RANBP2: variants seen among roughly 807,000 people sequenced by gnomAD.
RANBP2 encodes the protein E3 SUMO-protein ligase RanBP2.
RANBP2 carries 57 observed loss-of-function variants against 303.6 expected under a neutral mutation model. The ratio of observed to expected loss-of-function variants is 0.19; its 90% CI spans 0.15 to 0.23. The LOEUF is 0.23. Among genes scored for constraint, RANBP2 ranks in the 10% least tolerant of loss-of-function variants. The pLI, the probability that RANBP2 is intolerant of heterozygous loss-of-function variation, is 1.00. For synonymous variants in RANBP2, 1,167 were observed against 1,301.5 expected, an observed-to-expected ratio of 0.90 and a Z score of 2.23; for missense variants, 3,138 against 3,780.8, an observed-to-expected ratio of 0.83 and a Z score of 4.46.
At chr2:108,760,160 A>G (rs1558914497) in intron 18 of RANBP2, among the ~76,000 whole-genome samples, 1 of 152,188 alleles carries the variant, frequency 6.6e-6, no homozygotes, top group African/African-American at 2.4e-5. Context: ...TTAAAGATTA[A>G]TGAGCTCATA....
chr2:109,458,603 T>C, the RANBP2 span, among the ~76,000 whole-genome samples: 1 of 41,590 alleles, frequency 2.4e-5, no homozygotes, highest in Non-Finnish European at 6.6e-5. Context: ...AGAGAGAGAA[T>C]TTATTTATTT....
intron 1 of RANBP2, among the ~76,000 whole-genome samples, chr2:108,727,128 C>G (rs922374106): frequency 2.6e-5 from 4 of 152,154 alleles, no homozygotes; most frequent in African/African-American, 9.7e-5. Flanking sequence ...CATCATGGCC[C>G]GTTCTCAATG....
At chr2:108,722,004 A>C (rs952221347) in intron 1 of RANBP2, among the ~76,000 whole-genome samples, 13 of 148,666 alleles carry the variant, frequency 8.7e-5, no homozygotes, top group Admixed American at 8.7e-4. Context: ...CCAAGTGCTG[A>C]GATTACAGGT....
chr2:109,090,988 T>C, the RANBP2 span, among the ~76,000 whole-genome samples: 1 of 152,194 alleles, frequency 6.6e-6, no homozygotes, highest in Non-Finnish European at 1.5e-5. Context: ...TTTAAAGCTT[T>C]GATATTTTGT....
At position 108,735,687 on chromosome 2, in the gene RANBP2, C is replaced by T. The variant is rs761758022; in HGVS notation, c.561C>T (p.His187=). The T allele has an allele frequency of 3.1e-6, 5 of 1,597,440 alleles. No homozygotes were observed. In the African/African-American group the frequency reaches 6.7e-5, roughly 21 times the overall value. ...STKRLKDAVA[H]CHEAERNIAL... ...AAAGATTGAAGGATGCTGTGGCCCACTGCCATGAGGCAGAGAGGAACATAG... is the reference window on the plus strand; with the variant it reads ...AAAGATTGAAGGATGCTGTGGCCCATTGCCATGAGGCAGAGAGGAACATAG... The change falls in exon 5 of 29, where the codon CAC becomes CAT. Residue 187 remains histidine, a synonymous_variant. Coordinates refer to ENST00000283195, the MANE Select transcript of RANBP2 (RefSeq NM_006267.5).
the RANBP2 span, chr2:109,618,335 A>C: frequency 1.4e-3 from 240 of 167,112 alleles, 1 homozygote; most frequent in South Asian, 6.2e-3. Context: ...CAGAACCATC[A>C]GAAGGTTCTG....
At chr2:109,132,291 G>A in the RANBP2 span, among the ~76,000 whole-genome samples, 1 of 152,060 alleles carries the variant, frequency 6.6e-6, no homozygotes, top group Admixed American at 6.5e-5. Context: ...GGCATAGCTT[G>A]TTTACTTTAT....
downstream of RANBP2, among the ~76,000 whole-genome samples, chr2:108,787,587 C>G (rs976616666): frequency 6.6e-6 from 1 of 152,058 alleles, no homozygotes; most frequent in Non-Finnish European, 1.5e-5. Context: ...TCGATAAAAC[C>G]TTTTATAGGA....
At chr2:108,790,076 T>A (rs1679649664), downstream of RANBP2, among the ~76,000 whole-genome samples, 1 of 152,184 alleles carries the variant, frequency 6.6e-6, no homozygotes, top group Non-Finnish European at 1.5e-5. Flanking sequence ...CTTTCTCTAC[T>A]TAAATAAGTT....
At position 108,759,058 on chromosome 2, in the gene RANBP2, T is replaced by A. The variant is rs541636370; in HGVS notation, c.2602+510T>A. On this transcript the variant is annotated intron_variant, in intron 18 of 28. Transcript: ENST00000283195. ...TAATAGCTGTGTAAGATAACCTGTC[T>A]GAAACGTGGAGATAATACTTGCCTT... Among the ~76,000 whole-genome samples the A allele has an allele frequency of 3.3e-5, 5 of 150,318 alleles. No homozygotes were observed. In the East Asian group the frequency reaches 9.7e-4, roughly 29 times the overall value.
the RANBP2 span, among the ~76,000 whole-genome samples, chr2:108,793,728 C>T: frequency 6.6e-6 from 1 of 151,868 alleles, no homozygotes; most frequent in East Asian, 2.0e-4. Flanking sequence ...TCCCGAGTAG[C>T]TGGGACTACA....
chr2:108,719,887 G>C (rs1452052540), intron 1 of RANBP2, among the ~76,000 whole-genome samples: 1 of 152,076 alleles, frequency 6.6e-6, no homozygotes, highest in African/African-American at 2.4e-5. Flanking sequence ...CTTTGGCGCC[G>C]GCGCTTCCTC....
chr2:109,067,152 C>T, the RANBP2 span, among the ~76,000 whole-genome samples: 21 of 151,800 alleles, frequency 1.4e-4, no homozygotes, highest in Admixed American at 2.6e-4. Flanking sequence ...CAGCCTGGGT[C>T]GGCTTGTTCA....
At chr2:108,902,037 A>G in the RANBP2 span, among the ~76,000 whole-genome samples, 1 of 152,170 alleles carries the variant, frequency 6.6e-6, no homozygotes, top group Non-Finnish European at 1.5e-5. Flanking sequence ...CAGGAGTTCA[A>G]GACCAGCCTG....
chr2:109,238,930 A>G, the RANBP2 span, among the ~76,000 whole-genome samples: 2 of 152,170 alleles, frequency 1.3e-5, no homozygotes, highest in African/African-American at 4.8e-5. Flanking sequence ...CATGCATCAG[A>G]GACAACAGAT....
the RANBP2 span, among the ~76,000 whole-genome samples, chr2:108,959,334 T>A: frequency 6.6e-6 from 1 of 152,138 alleles, no homozygotes; most frequent in Admixed American, 6.5e-5. Context: ...GTGTTGGAGA[T>A]TTGTTTTCCC....
chr2:109,270,300 A>G, the RANBP2 span, among the ~76,000 whole-genome samples: 7 of 152,178 alleles, frequency 4.6e-5, no homozygotes, highest in Non-Finnish European at 8.8e-5. Flanking sequence ...TGAGGTGGCA[A>G]GCAGCCCTGT....
chr2:109,148,758 T>C, the RANBP2 span, among the ~76,000 whole-genome samples: 7 of 152,242 alleles, frequency 4.6e-5, no homozygotes, highest in Non-Finnish European at 8.8e-5. Context: ...GGCTCGGTCA[T>C]AGACAGATGC....
chr2:109,343,911 A>T, the RANBP2 span, among the ~76,000 whole-genome samples: 31 of 152,008 alleles, frequency 2.0e-4, no homozygotes, highest in African/African-American at 6.3e-4. Flanking sequence ...GCCTATTTTT[A>T]AAAAATATTA....
Sources: gnomAD v4.1 joint callset for allele counts (sites outside exome capture counted in the v4.1 genomes callset) on GRCh38, gnomAD v4.1.1 for gene constraint, MANE v1.5 for transcripts, NCBI Gene and HGNC (gene_info 2026-07-23, HGNC 2026-07-21) for gene names.